GNAS-AS1: variants seen among roughly 807,000 people sequenced by gnomAD.
GNAS-AS1 encodes the protein GNAS antisense RNA 1.
At chr20:58,835,872 C>T (rs1210922161) in intron 4 of GNAS-AS1, among the ~76,000 whole-genome samples, 1 of 152,186 alleles carries the variant, frequency 6.6e-6, no homozygotes, top group Non-Finnish European at 1.5e-5. Flanking sequence ...ATGGACTTGA[C>T]TCATTTCTTT....
At chr20:58,819,235 C>A (rs1235028032) in exon 5 of GNAS-AS1, 3 of 398,460 alleles carry the variant, frequency 7.5e-6, no homozygotes, top group Non-Finnish European at 1.3e-5. Context: ...TTCCAGGGAC[C>A]CTTGGAAGCA....
chr20:58,826,664 C>T (rs986035294), intron 4 of GNAS-AS1: 1 of 152,070 alleles, frequency 6.6e-6, no homozygotes, highest in Non-Finnish European at 1.5e-5. Flanking sequence ...AATTGGGGCA[C>T]TATTAAGAGT....
At chr20:58,829,405 C>T (rs1018354783) in intron 4 of GNAS-AS1, among the ~76,000 whole-genome samples, 1 of 152,186 alleles carries the variant, frequency 6.6e-6, no homozygotes, top group African/African-American at 2.4e-5. Flanking sequence ...TGATTTTGGT[C>T]CCTCATGGCC....
Position 58,839,477 on chromosome 20 carries a change from G to C in GNAS-AS1, n.819+2460C>G, listed in dbSNP as rs530348161. ...ACTGGGGAGGGGCACGACCCCACGGGAGCCTGCGCCCACCTGCCCAAGTAC... is the reference window on the plus strand; with the variant it reads ...ACTGGGGAGGGGCACGACCCCACGGCAGCCTGCGCCCACCTGCCCAAGTAC... On this transcript the variant is annotated intron_variant and non_coding_transcript_variant, in intron 4 of 4. Transcript: ENST00000424094. The C allele has an allele frequency of 3.5e-5, 14 of 401,448 alleles. 1 individual carries two copies. The South Asian group carries it at 7.5e-4, about 21-fold the overall frequency. The allele number at this position is 401,448 out of a possible 1,614,324, so 24.9% of individuals were successfully genotyped here. A position where few individuals can be genotyped will look rare whatever the true frequency, so the allele number is the denominator to read the frequency against.
At chr20:58,835,262 T>G (rs2085594816) in intron 4 of GNAS-AS1, among the ~76,000 whole-genome samples, 1 of 151,986 alleles carries the variant, frequency 6.6e-6, no homozygotes, top group Admixed American at 6.6e-5. Flanking sequence ...ATCCAAAAAA[T>G]ATCTTCAAGA....
chr20:58,830,428 ACAC>A (rs2085553304), intron 4 of GNAS-AS1, among the ~76,000 whole-genome samples: 1 of 119,960 alleles, frequency 8.3e-6, no homozygotes, highest in Admixed American at 8.4e-5. Flanking sequence ...CACCACCGCC[ACAC>A]CACCATCATT....
rs548211950 is a variant in GNAS-AS1 at position 58,826,044 on chromosome 20, C to T, written n.820-6789G>A. 6 of 398,582 alleles carry T rather than the reference C, an allele frequency of 1.5e-5. No individual in the cohort carries two copies. In the South Asian group the frequency reaches 5.1e-4, roughly 34 times the overall value. The allele number at this position is 398,582 out of a possible 1,614,324, so 24.7% of individuals were successfully genotyped here. ...GCTTACCTTTAGACGATGACTTCAG[C>T]GAGAAAGACAGATGAGCAAATGTCA... is the stretch of plus-strand genomic sequence containing the variant. On this transcript the variant is annotated intron_variant and non_coding_transcript_variant, in intron 4 of 4. Transcript: ENST00000424094.
At position 58,840,657 on chromosome 20, in the gene GNAS-AS1, A is replaced by C. The variant is rs1421588186; in HGVS notation, n.819+1280T>G. On this transcript the variant is annotated intron_variant and non_coding_transcript_variant, in intron 4 of 4. Coordinates refer to ENST00000424094, the Ensembl canonical transcript of GNAS-AS1. This position sits in a 1 kb window ranked among gnomAD's most constrained non-coding sequence, Gnocchi z 6.0. ...AGTCGCGCGCCGCCCAGCACTCAGG[A>C]GCCCCAGAGCCCCAGGGAAGGGGAG... 6.2e-7 allele frequency: 1 copy of C among 1,605,230 alleles called. No homozygotes were observed. The highest frequency in any genetic ancestry group is 8.5e-7 in the Non-Finnish European group (1 of 1,179,046).
chr20:58,840,578 T>G lies in GNAS-AS1; in HGVS notation n.819+1359A>C. ...GCCCAAGCACTCCACCTTCGGCCAG[T>G]CCCTCACCCAGCGTCTGCACGCTCT... On this transcript the variant is annotated intron_variant and non_coding_transcript_variant, in intron 4 of 4. Transcript: ENST00000424094. The surrounding 1 kb of genome is among the most constrained non-coding windows in gnomAD (Gnocchi z 6.0). The G allele has an allele frequency of 1.9e-6, 3 of 1,611,936 alleles. No homozygotes were observed. Among genetic ancestry groups the G allele is most frequent in the Non-Finnish European group, 2.5e-6 (3 of 1,179,352 alleles).
At chr20:58,847,153 C>T (rs577765738) in intron 2 of GNAS-AS1, among the ~76,000 whole-genome samples, 2 of 152,352 alleles carry the variant, frequency 1.3e-5, no homozygotes, top group Admixed American at 6.5e-5. Context: ...TGCTGAGCTA[C>T]AGCTAATTAG....
At chr20:58,847,417 G>C (rs1029968642) in intron 2 of GNAS-AS1, among the ~76,000 whole-genome samples, 3 of 152,192 alleles carry the variant, frequency 2.0e-5, no homozygotes, top group Non-Finnish European at 4.4e-5. Flanking sequence ...GAGTCTGAAG[G>C]GAAAAGGATG....
At chr20:58,821,023 G>C (rs1191425883) in intron 4 of GNAS-AS1, among the ~76,000 whole-genome samples, 1 of 152,196 alleles carries the variant, frequency 6.6e-6, no homozygotes, top group African/African-American at 2.4e-5. Context: ...CTTGCCACAA[G>C]AATCCCATCT....
intron 2 of GNAS-AS1, among the ~76,000 whole-genome samples, chr20:58,845,551 A>T (rs147558786): frequency 6.6e-6 from 1 of 152,144 alleles, no homozygotes; most frequent in Non-Finnish European, 1.5e-5. Context: ...AAACAAAAAA[A>T]TCTGGTTCTG....
intron 4 of GNAS-AS1, chr20:58,839,513 G>C (rs1173875671): frequency 2.5e-6 from 1 of 403,908 alleles, no homozygotes; most frequent in African/African-American, 2.1e-5. Context: ...TGGACCTGGG[G>C]CTAGCTTGCC....
At chr20:58,842,020 A>G in exon 4 of GNAS-AS1, 1 of 783,610 alleles carries the variant, frequency 1.3e-6, no homozygotes, top group Non-Finnish European at 1.7e-6. Context: ...TCAGTCGTCG[A>G]AAAGGAGGCA....
In GNAS-AS1 at chr20:58,850,795, G is replaced by A. The variant is rs192776054; in HGVS notation, n.109C>T. 5.8e-5 allele frequency: 23 copies of A among 398,832 alleles called. No individual in the cohort carries two copies. The Admixed American group carries it at 9.2e-4, about 16-fold the overall frequency. 24.7% of individuals were successfully genotyped at this position (398,832 alleles called of 1,614,324 possible). On this transcript the variant is annotated non_coding_transcript_exon_variant, in exon 1 of 5. Coordinates refer to ENST00000424094, the Ensembl canonical transcript of GNAS-AS1. ...GCATGAGGAAGAGTGACCCCACGGC[G>A]CTAGCGGTCCTCGTGGTCTTCCAGG...
At chr20:58,821,921 C>T (rs562834884) in intron 4 of GNAS-AS1, among the ~76,000 whole-genome samples, 1 of 152,348 alleles carries the variant, frequency 6.6e-6, no homozygotes, top group Admixed American at 6.5e-5. Flanking sequence ...CTCTTGAAAT[C>T]CTTGTGCTGA....
rs372052381 is a variant in GNAS-AS1, at chr20:58,841,539, G to A, written n.819+398C>T. Reference sequence around the variant, plus strand: ...GCGCCAGTGCCTCCAGCTGCCGTGCGCCAGCCTTGGCCGCCACAGCCCGCC... The same window carrying A: ...GCGCCAGTGCCTCCAGCTGCCGTGCACCAGCCTTGGCCGCCACAGCCCGCC... On this transcript the variant is annotated intron_variant and non_coding_transcript_variant, in intron 4 of 4. Coordinates refer to ENST00000424094, the Ensembl canonical transcript of GNAS-AS1. The surrounding 1 kb of genome is among the most constrained non-coding windows in gnomAD (Gnocchi z 5.0). 11 of 995,306 alleles carry A rather than the reference G, an allele frequency of 1.1e-5. No homozygotes were observed. In the South Asian group the frequency reaches 2.8e-4, roughly 25 times the overall value. 61.7% of individuals were successfully genotyped at this position (995,306 alleles called of 1,614,324 possible). A position where few individuals can be genotyped will look rare whatever the true frequency, so the allele number is the denominator to read the frequency against.
At chr20:58,823,694 G>A (rs1245829801) in intron 4 of GNAS-AS1, among the ~76,000 whole-genome samples, 1 of 152,248 alleles carries the variant, frequency 6.6e-6, no homozygotes, top group Non-Finnish European at 1.5e-5. Flanking sequence ...GTCAGAAGGG[G>A]CAGAGCTGCA....
Sources: gnomAD v4.1 joint callset for allele counts (sites outside exome capture counted in the v4.1 genomes callset) on GRCh38, gnomAD v4.1.1 for gene constraint, Gnocchi (gnomAD v3.1) non-coding constraint, MANE v1.5 for transcripts, NCBI Gene and HGNC (gene_info 2026-07-23, HGNC 2026-07-21) for gene names.